The following CRIM1 variants were observed in gnomAD, a reference collection of about 807,000 sequenced individuals.
CRIM1 encodes the protein cysteine rich transmembrane BMP regulator 1.
Under a neutral mutation model 116.4 loss-of-function variants are expected in CRIM1, and 32 were observed. That is an observed-to-expected ratio of 0.27 (90% CI 0.21 to 0.37). The LOEUF (loss-of-function observed/expected upper bound fraction) is 0.37, where lower values mean the gene tolerates loss of function less well. CRIM1 is among the 10% of genes least tolerant of loss of function. The pLI is 1.00. For missense variants in CRIM1, 1,331 were observed against 1,354.8 expected, an observed-to-expected ratio of 0.98 and a Z score of 0.28; for synonymous variants, 590 against 509.2, an observed-to-expected ratio of 1.16 and a Z score of -2.13.
intron 5 of CRIM1, among the ~76,000 whole-genome samples, chr2:36,470,653 C>T (rs1678426812): frequency 1.3e-5 from 2 of 152,200 alleles, no homozygotes; most frequent in Admixed American, 1.3e-4. Context: ...TATTACTGCT[C>T]ATTGACAATG....
intron 1 of CRIM1, chr2:36,378,315 T>C (rs1274033129): frequency 4.2e-6 from 2 of 471,048 alleles, no homozygotes; most frequent in Non-Finnish European, 8.8e-6. Context: ...TTGTTCATGA[T>C]TGTCCTCCTA....
In CRIM1 at chr2:36,383,393, A is replaced by G. The variant is rs115212400; in HGVS notation, c.332-13221A>G. ...ATAAAGTTTATTTCTTTGCATCTCA[A>G]TCATTCCCAAAAGATTTTAAATATG... On this transcript the variant is annotated intron_variant, in intron 1 of 16. Coordinates refer to ENST00000280527, the MANE Select transcript of CRIM1 (RefSeq NM_016441.3). Among the ~76,000 whole-genome samples the G allele has an allele frequency of 2.2e-3, 339 of 152,358 alleles. 1 individual carries two copies. The highest frequency in any genetic ancestry group is 4.3e-3 in the Non-Finnish European group (290 of 68,034).
intron 7 of CRIM1, among the ~76,000 whole-genome samples, chr2:36,480,416 C>G (rs150730783): frequency 6.6e-6 from 1 of 152,288 alleles, no homozygotes; most frequent in East Asian, 1.9e-4. Context: ...TTTGTACAGA[C>G]ATTTCTAATA....
chr2:36,398,855 G>A (rs1056903911), intron 2 of CRIM1, among the ~76,000 whole-genome samples: 1 of 152,164 alleles, frequency 6.6e-6, no homozygotes, highest in South Asian at 2.1e-4. Context: ...AAGAATTAGT[G>A]ATGAAATCAT....
chr2:36,469,654 A>C (rs1305535089), intron 5 of CRIM1, among the ~76,000 whole-genome samples: 3 of 152,196 alleles, frequency 2.0e-5, no homozygotes, highest in Admixed American at 1.3e-4. Context: ...TTTCAAAAAA[A>C]AACACTAGTA....
chr2:36,429,362 A>T (rs1486373692), intron 2 of CRIM1, among the ~76,000 whole-genome samples: 1 of 152,164 alleles, frequency 6.6e-6, no homozygotes, highest in Non-Finnish European at 1.5e-5. Context: ...AGCAGTCATG[A>T]TCTCTTCTTG....
intron 2 of CRIM1, among the ~76,000 whole-genome samples, chr2:36,439,113 C>T (rs1675570118): frequency 6.6e-6 from 1 of 152,178 alleles, no homozygotes. Context: ...CTGAGTGAGG[C>T]ACAGGTGCCA....
intron 2 of CRIM1, among the ~76,000 whole-genome samples, chr2:36,407,076 T>C (rs1203001341): frequency 6.6e-6 from 1 of 152,154 alleles, no homozygotes; most frequent in Non-Finnish European, 1.5e-5. Flanking sequence ...CCAGCTGATT[T>C]TTCCTTTAGC....
At chr2:36,451,585 C>A (rs1301955541) in intron 4 of CRIM1, among the ~76,000 whole-genome samples, 1 of 152,170 alleles carries the variant, frequency 6.6e-6, no homozygotes, top group African/African-American at 2.4e-5. Context: ...GAACGAGCAG[C>A]AGGATCAAGA....
At chr2:36,498,982 A>G (rs1436382130) in intron 7 of CRIM1, among the ~76,000 whole-genome samples, 2 of 152,260 alleles carry the variant, frequency 1.3e-5, no homozygotes, top group Non-Finnish European at 2.9e-5. Context: ...GAAGGTACCA[A>G]AAACTGCATG....
chr2:36,431,481 C>T (rs918809379), intron 2 of CRIM1, among the ~76,000 whole-genome samples: 1 of 152,088 alleles, frequency 6.6e-6, no homozygotes, highest in Admixed American at 6.5e-5. Context: ...TGAAGTCTTT[C>T]TAAAAACATC....
At chr2:36,515,857 A>G (rs188937784) in intron 11 of CRIM1, among the ~76,000 whole-genome samples, 3 of 152,346 alleles carry the variant, frequency 2.0e-5, no homozygotes, top group Admixed American at 6.5e-5. Context: ...TTTGAAAGCA[A>G]TAAGGGAGGC....
At chr2:36,443,765 A>G (rs1168743532) in intron 4 of CRIM1, among the ~76,000 whole-genome samples, 1 of 152,224 alleles carries the variant, frequency 6.6e-6, no homozygotes, top group South Asian at 2.1e-4. Flanking sequence ...GACATCCAGA[A>G]TTTGTTCTGA....
intron 8 of CRIM1, among the ~76,000 whole-genome samples, chr2:36,501,547 C>T (rs1049828477): frequency 2.0e-5 from 3 of 151,882 alleles, no homozygotes; most frequent in African/African-American, 7.3e-5. Flanking sequence ...GGCAAAACCC[C>T]ATCTCTACAA....
chr2:36,512,401 G>T lies in CRIM1; in HGVS notation c.1780+7G>T. 6.2e-7 allele frequency: 1 copy of T among 1,606,812 alleles called. No individual in the cohort carries two copies. The highest frequency in any genetic ancestry group is 1.1e-5 in the South Asian group (1 of 90,748). The stretch of plus-strand genomic sequence containing the variant: ...CTTATCTGCAAGTGCAGAGGTAAGT[G>T]TGTACACATGGCCCTTCCCCCTCAA... On this transcript the variant is annotated splice_region_variant and intron_variant, in intron 10 of 16. Coordinates refer to ENST00000280527, the MANE Select transcript of CRIM1 (RefSeq NM_016441.3).
At chr2:36,398,170 T>C (rs1056349955) in intron 2 of CRIM1, among the ~76,000 whole-genome samples, 4 of 152,214 alleles carry the variant, frequency 2.6e-5, no homozygotes, top group African/African-American at 7.2e-5. Context: ...CTTACTCATA[T>C]AAAGTCATAC....
intron 1 of CRIM1, among the ~76,000 whole-genome samples, chr2:36,383,984 G>A (rs1461446090): frequency 6.6e-6 from 1 of 152,148 alleles, no homozygotes; most frequent in Non-Finnish European, 1.5e-5. Flanking sequence ...TTACCAACTG[G>A]AGCTTTCTGA....
chr2:36,360,431 T>C (rs1669143804), intron 1 of CRIM1, among the ~76,000 whole-genome samples: 2 of 152,208 alleles, frequency 1.3e-5, no homozygotes, highest in Non-Finnish European at 2.9e-5. Flanking sequence ...TTTTTCACCA[T>C]TGCTATCTAA....
At chr2:36,439,068 C>T (rs1309862032) in intron 2 of CRIM1, among the ~76,000 whole-genome samples, 1 of 152,180 alleles carries the variant, frequency 6.6e-6, no homozygotes, top group African/African-American at 2.4e-5. Flanking sequence ...GTGATAGCCA[C>T]AGGGAGGGTA....
Sources: allele counts gnomAD v4.1 joint callset (sites outside exome capture counted in the v4.1 genomes callset), GRCh38; gene constraint gnomAD v4.1.1; transcripts MANE v1.5; gene names NCBI Gene and HGNC (gene_info 2026-07-23, HGNC 2026-07-21).